The following RPSA2 variants were observed in gnomAD, a reference collection of about 807,000 sequenced individuals.
The protein encoded by RPSA2 is small ribosomal subunit protein uS2B.
At chr19:23,832,964 A>T in the RPSA2 span, 1 of 1,483,738 alleles carries the variant, frequency 6.7e-7, no homozygotes, top group Middle Eastern at 1.9e-4. Flanking sequence ...AGTGGAGTAA[A>T]ACCCTACAAG....
At chr19:23,840,888 G>T in the RPSA2 span, among the ~76,000 whole-genome samples, 1 of 150,148 alleles carries the variant, frequency 6.7e-6, no homozygotes, top group Admixed American at 6.6e-5. Context: ...CTTGAACACA[G>T]GAGGCAGAGG....
the RPSA2 span, among the ~76,000 whole-genome samples, chr19:23,856,643 G>C: frequency 6.6e-6 from 1 of 152,126 alleles, no homozygotes; most frequent in Non-Finnish European, 1.5e-5. Flanking sequence ...CTTGCCCCCA[G>C]TATTTCAACA....
At chr19:23,838,892 C>A in the RPSA2 span, among the ~76,000 whole-genome samples, 3 of 152,100 alleles carry the variant, frequency 2.0e-5, no homozygotes, top group African/African-American at 7.2e-5. Context: ...TTCTGAGAAG[C>A]AGCTCTTTGT....
the RPSA2 span, among the ~76,000 whole-genome samples, chr19:23,761,924 T>TTTC: frequency 4.1e-5 from 2 of 48,364 alleles, no homozygotes; most frequent in South Asian, 8.1e-4. Context: ...TTCTTTCTTT[T>TTTC]TTTTTTTTTT....
chr19:23,832,007 C>A, the RPSA2 span: 1 of 422,158 alleles, frequency 2.4e-6, no homozygotes, highest in South Asian at 2.1e-5. Context: ...AATTGGTCCT[C>A]AATCCTTACT....
At chr19:23,845,159 T>G in the RPSA2 span, among the ~76,000 whole-genome samples, 1 of 147,306 alleles carries the variant, frequency 6.8e-6, no homozygotes, top group South Asian at 2.2e-4. Flanking sequence ...ATTCTGTTTG[T>G]GGTTAATCTA....
the RPSA2 span, among the ~76,000 whole-genome samples, chr19:23,861,989 T>C: frequency 1.4e-3 from 220 of 152,258 alleles, no homozygotes; most frequent in African/African-American, 4.6e-3. Context: ...TTTCATGATA[T>C]TGATTCTTCC....
At chr19:23,826,044 AATTTACC>A in the RPSA2 span, among the ~76,000 whole-genome samples, 1 of 150,378 alleles carries the variant, frequency 6.6e-6, no homozygotes, top group East Asian at 2.0e-4. Flanking sequence ...AAAAAAACAA[AATTTACC>A]ACAAAATATT....
the RPSA2 span, among the ~76,000 whole-genome samples, chr19:23,761,906 T>C: frequency 3.3e-5 from 3 of 92,134 alleles, no homozygotes; most frequent in African/African-American, 4.9e-5. Context: ...ACGTAATTCT[T>C]TCTTTCTTTC....
the RPSA2 span, among the ~76,000 whole-genome samples, chr19:23,846,837 A>G: frequency 1.1e-4 from 16 of 152,154 alleles, no homozygotes; most frequent in Admixed American, 9.8e-4. Flanking sequence ...TATGTGCCAT[A>G]TTGAGGTCTG....
the RPSA2 span, among the ~76,000 whole-genome samples, chr19:23,826,031 C>CAAA: frequency 0.14 from 19,648 of 143,342 alleles, 1,549 homozygotes; most frequent in East Asian, 0.23. Context: ...TATTTCTTGT[C>CAAA]AAAAAAAAAC....
chr19:23,764,257 C>A, the RPSA2 span, among the ~76,000 whole-genome samples: 4 of 152,286 alleles, frequency 2.6e-5, no homozygotes, highest in East Asian at 1.9e-4. Context: ...CCACTACCCT[C>A]TTCCCCTAGC....
At chr19:23,829,310 ATTTG>A in the RPSA2 span, among the ~76,000 whole-genome samples, 1 of 151,004 alleles carries the variant, frequency 6.6e-6, no homozygotes, top group Non-Finnish European at 1.5e-5. Flanking sequence ...TTATTTATTT[ATTTG>A]TTTGAGACTG....
the RPSA2 span, among the ~76,000 whole-genome samples, chr19:23,801,195 C>A: frequency 6.6e-6 from 1 of 151,222 alleles, no homozygotes; most frequent in Non-Finnish European, 1.5e-5. Flanking sequence ...AATTAAAAAA[C>A]AAAACAAAAC....
the RPSA2 span, chr19:23,819,487 A>G: frequency 6.6e-6 from 1 of 152,188 alleles, no homozygotes; most frequent in African/African-American, 2.4e-5. Context: ...TATGGGGCCC[A>G]TCCCATATGG....
the RPSA2 span, among the ~76,000 whole-genome samples, chr19:23,769,163 C>T: frequency 1.3e-5 from 2 of 152,192 alleles, no homozygotes; most frequent in Admixed American, 6.5e-5. Context: ...GGGATTGTGA[C>T]GTATTGCTTG....
chr19:23,856,039 G>A, the RPSA2 span, among the ~76,000 whole-genome samples: 1 of 152,152 alleles, frequency 6.6e-6, no homozygotes, highest in Non-Finnish European at 1.5e-5. Flanking sequence ...ACCAGAGTTA[G>A]ATATTGAATC....
chr19:23,797,696 ATTG>A, the RPSA2 span, among the ~76,000 whole-genome samples: 1 of 152,126 alleles, frequency 6.6e-6, no homozygotes, highest in Non-Finnish European at 1.5e-5. Flanking sequence ...GTCTCCCACT[ATTG>A]TTGTGTCAGA....
chr19:23,792,661 C>A, the RPSA2 span, among the ~76,000 whole-genome samples: 4 of 150,050 alleles, frequency 2.7e-5, no homozygotes, highest in Non-Finnish European at 3.0e-5. Flanking sequence ...ATTACAGGCG[C>A]GCACCACCAA....
Sources: gnomAD v4.1 joint callset for allele counts (sites outside exome capture counted in the v4.1 genomes callset) on GRCh38, gnomAD v4.1.1 for gene constraint, MANE v1.5 for transcripts, NCBI Gene and HGNC (gene_info 2026-07-23, HGNC 2026-07-21) for gene names.